The following UMODL1 variants were observed in gnomAD, a reference collection of about 807,000 sequenced individuals.
UMODL1 encodes the protein uromodulin like 1.
A neutral mutation model predicts 136.3 loss-of-function variants in UMODL1; 128 were observed. That is an observed-to-expected ratio of 0.94 (90% confidence interval 0.81 to 1.09). The LOEUF is 1.09. UMODL1 is among the 50% of genes least tolerant of loss of function. UMODL1 has a pLI of 0.00. For synonymous variants in UMODL1, 721 were observed against 720.0 expected, an observed-to-expected ratio of 1.00 and a Z score of -0.02; for missense variants, 1,766 against 1,725.6, an observed-to-expected ratio of 1.02 and a Z score of -0.41.
chr21:42,074,633 A>G (rs192133119), intron 1 of UMODL1, among the ~76,000 whole-genome samples: 22 of 152,250 alleles, frequency 1.4e-4, no homozygotes, highest in South Asian at 1.0e-3. Context: ...CCAGTGAGAG[A>G]TATGTGGGGC....
chr21:42,105,001 T>C (rs1308173957), intron 9 of UMODL1, among the ~76,000 whole-genome samples: 1 of 152,172 alleles, frequency 6.6e-6, no homozygotes, highest in East Asian at 1.9e-4. Context: ...ACCTCTCTGG[T>C]CGTCTCCCGG....
intron 8 of UMODL1, 54 bp downstream of exon 8, chr21:42,102,332 T>A: frequency 7.6e-7 from 1 of 1,314,224 alleles, no homozygotes. Context: ...AGTGAGGACA[T>A]CAAACACAAG....
At position 42,119,286 on chromosome 21, in the gene UMODL1, C is replaced by A; in HGVS notation, c.2651C>A (p.Pro884His). ...AAFLTAFQTV[P>H]LLEVIRGDTF... ...TTTCTCACCGCCTTCCAGACCGTGC[C>A]TCTGCTGGAGGTGATCAGAGGCGAC... The change falls in exon 15 of 23, where the codon CCT (proline) becomes CAT (histidine). Residue 884 changes from proline to histidine, a missense_variant. Physicochemically the swap from Pro to His is moderately conservative, Grantham distance 77. Coordinates refer to ENST00000408910, the MANE Select transcript of UMODL1 (RefSeq NM_001004416.3). 6.2e-7 allele frequency: 1 copy of A among 1,614,198 alleles called. No homozygotes were observed. Among genetic ancestry groups the A allele is most frequent in the Non-Finnish European group, 8.5e-7 (1 of 1,180,038 alleles).
intron 14 of UMODL1, among the ~76,000 whole-genome samples, chr21:42,117,508 G>T (rs1490876332): frequency 6.6e-6 from 1 of 152,194 alleles, no homozygotes; most frequent in Non-Finnish European, 1.5e-5. Flanking sequence ...TGGACTTTTT[G>T]AGGTATAGGG....
chr21:42,132,410 CCATA>C (rs769077945), intron 21 of UMODL1, among the ~76,000 whole-genome samples: 10 of 151,904 alleles, frequency 6.6e-5, no homozygotes, highest in Admixed American at 1.3e-4. Context: ...ACTCATCCAA[CCATA>C]CATTCATCTG....
intron 8 of UMODL1, 100 bp from the exon 9 acceptor site, chr21:42,103,768 G>C: frequency 7.2e-7 from 1 of 1,393,692 alleles, no homozygotes; most frequent in African/African-American, 1.4e-5. Flanking sequence ...TTGTAGAGGA[G>C]AGAAATGGCT....
At chr21:42,136,553 G>C (rs373928138) in intron 21 of UMODL1, among the ~76,000 whole-genome samples, 7 of 152,240 alleles carry the variant, frequency 4.6e-5, no homozygotes, top group African/African-American at 1.7e-4. Flanking sequence ...CTCCTTTCAC[G>C]GTTGGGTCAT....
rs2067222045 is a variant in UMODL1 at position 42,137,531 on chromosome 21, CT to C, written c.3870del (p.Leu1291Ter). 1 of 1,614,244 alleles carries C rather than the reference CT, an allele frequency of 6.2e-7. No individual in the cohort carries two copies. The highest frequency in any genetic ancestry group is 2.2e-5 in the East Asian group (1 of 44,890). Reference sequence around the variant, plus strand: ...CGTGCTGGTGGCGGGAACAGCCACCCTTCTGATCGTGCGCTACCAGAGAATG... The same window carrying C: ...CGTGCTGGTGGCGGGAACAGCCACCCTCTGATCGTGCGCTACCAGAGAATG... ...IFVLVAGTAT[L>X]LIVRYQRMNG... On this transcript the variant is annotated frameshift_variant, in exon 22 of 23. Transcript: ENST00000408910. LOFTEE classifies it high-confidence loss of function.
At chr21:42,091,314 G>A (rs1026682225) in intron 6 of UMODL1, among the ~76,000 whole-genome samples, 2 of 152,232 alleles carry the variant, frequency 1.3e-5, no homozygotes, top group Non-Finnish European at 2.9e-5. Flanking sequence ...ACCATCCCTA[G>A]CATCGCGGGA....
At position 42,122,623 on chromosome 21, in the gene UMODL1, G is replaced by A. The variant is rs1357067442; in HGVS notation, c.2828-208G>A. 1.3e-5 allele frequency among the ~76,000 whole-genome samples: 2 copies of A among 151,520 alleles called. No homozygotes were observed. The highest frequency in any genetic ancestry group is 4.9e-5 in the African/African-American group (2 of 41,200). On this transcript the variant is annotated intron_variant, in intron 16 of 22. Transcript: ENST00000408910. The surrounding 1 kb of genome is among the most constrained non-coding windows in gnomAD (Gnocchi z 4.3). ...TGTGTGCATCTCTGCGTGCATGTGT[G>A]TGCATGCACGTGTGTGTACGTGTGT...
intron 5 of UMODL1, among the ~76,000 whole-genome samples, chr21:42,090,005 C>G (rs568667284): frequency 2.9e-3 from 444 of 152,310 alleles, no homozygotes; most frequent in Non-Finnish European, 5.0e-3. Context: ...TTCATGACCA[C>G]TCAGACTCAG....
In UMODL1 at chr21:42,123,221, T is replaced by A; in HGVS notation, c.3147+71T>A. 1.3e-6 allele frequency: 2 copies of A among 1,502,678 alleles called. No individual in the cohort carries two copies. The highest frequency in any genetic ancestry group is 1.8e-6 in the Non-Finnish European group (2 of 1,113,672). 93.1% of individuals were successfully genotyped at this position (1,502,678 alleles called of 1,614,324 possible). A position where few individuals can be genotyped will look rare whatever the true frequency, so the allele number is the denominator to read the frequency against. On this transcript the variant is annotated intron_variant, in intron 17 of 22. Transcript: ENST00000408910. The surrounding 1 kb of genome is among the most constrained non-coding windows in gnomAD (Gnocchi z 4.4). ...GGGCTCTAGGTTACATGGGCCTCGA[T>A]GTGGGAGGGCCAGGCAAGACTCTGC...
At chr21:42,082,315 C>T (rs1443097431) in intron 2 of UMODL1, among the ~76,000 whole-genome samples, 1 of 152,204 alleles carries the variant, frequency 6.6e-6, no homozygotes, top group Non-Finnish European at 1.5e-5. Context: ...CTGCAGCCTG[C>T]TGAGGCTGCC....
intron 6 of UMODL1, 79 bp from the exon 7 acceptor site, chr21:42,098,847 G>A (rs1043922659): frequency 6.4e-7 from 1 of 1,561,246 alleles, no homozygotes; most frequent in African/African-American, 1.4e-5. Flanking sequence ...AAGTTGAGAT[G>A]AGGCTCTGTT....
chr21:42,117,045 C>T (rs220142), intron 14 of UMODL1, among the ~76,000 whole-genome samples: 50,752 of 151,872 alleles, frequency 0.33, 8,447 homozygotes, highest in Middle Eastern at 0.4. Flanking sequence ...CACTGCACTC[C>T]AGCCTAGGTG....
intron 2 of UMODL1, 134 bp from the exon 3 acceptor site, chr21:42,083,949 TG>T: frequency 9.1e-7 from 1 of 1,095,262 alleles, no homozygotes; most frequent in Non-Finnish European, 1.3e-6. Flanking sequence ...TGCCCAGGCA[TG>T]GGGATGGGCC....
chr21:42,129,052 C>T (rs537545655), intron 20 of UMODL1, among the ~76,000 whole-genome samples: 16 of 151,948 alleles, frequency 1.1e-4, no homozygotes, highest in East Asian at 9.7e-4. Flanking sequence ...GGCTGGTAGA[C>T]GGCATTTGCC....
intron 17 of UMODL1, among the ~76,000 whole-genome samples, chr21:42,124,765 T>C (rs539013687): frequency 6.6e-6 from 1 of 152,222 alleles, no homozygotes; most frequent in East Asian, 1.9e-4. Flanking sequence ...CCTCAGGACC[T>C]TTGAGCAGTC....
intron 6 of UMODL1, among the ~76,000 whole-genome samples, chr21:42,096,460 A>C (rs1351764493): frequency 6.6e-6 from 1 of 152,214 alleles, no homozygotes; most frequent in Non-Finnish European, 1.5e-5. Flanking sequence ...TAAAGCATGC[A>C]TTGCCAGCCC....
Sources: gnomAD v4.1 joint callset for allele counts (sites outside exome capture counted in the v4.1 genomes callset) on GRCh38, gnomAD v4.1.1 for gene constraint, Gnocchi (gnomAD v3.1) non-coding constraint, MANE v1.5 for transcripts, NCBI Gene and HGNC (gene_info 2026-07-23, HGNC 2026-07-21) for gene names.